Variants in SRGAP1 observed in about 807,000 individuals in gnomAD.
SRGAP1 encodes the protein SLIT-ROBO Rho GTPase-activating protein 1.
SRGAP1 carries 43 observed loss-of-function variants against 121.9 expected under a neutral mutation model. The observed-to-expected ratio is 0.35, with a 90% CI of 0.28 to 0.46. The LOEUF (loss-of-function observed/expected upper bound fraction) is 0.46. SRGAP1 is among the 20% of genes least tolerant of loss of function. SRGAP1 has a pLI of 1.00. For missense variants in SRGAP1, 1,102 were observed against 1,350.9 expected, an observed-to-expected ratio of 0.82 and a Z score of 2.89; for synonymous variants, 447 against 485.4, an observed-to-expected ratio of 0.92 and a Z score of 1.04.
intron 1 of SRGAP1, among the ~76,000 whole-genome samples, chr12:63,950,283 A>G (rs901523797): frequency 6.6e-6 from 1 of 152,148 alleles, no homozygotes; most frequent in African/African-American, 2.4e-5. Flanking sequence ...TAGATGTCCA[A>G]AACCTCAGAG....
chr12:64,078,683 T>G (rs1024358651), intron 8 of SRGAP1, among the ~76,000 whole-genome samples: 1 of 150,462 alleles, frequency 6.6e-6, no homozygotes, highest in Non-Finnish European at 1.5e-5. Context: ...TACCCAGATA[T>G]GAGATTTATA....
chr12:64,002,635 C>T (rs981873739), intron 3 of SRGAP1, among the ~76,000 whole-genome samples: 2 of 152,102 alleles, frequency 1.3e-5, no homozygotes, highest in Admixed American at 6.5e-5. Context: ...CCAAAGACTT[C>T]GAGAATTGAA....
intron 17 of SRGAP1, among the ~76,000 whole-genome samples, chr12:64,114,017 AC>A (rs1444257298): frequency 1.7e-5 from 2 of 118,402 alleles, no homozygotes; most frequent in Non-Finnish European, 3.5e-5. Context: ...TAGTTAAATA[AC>A]TGAAAGTACT....
chr12:63,969,093 G>A (rs1041783856), intron 1 of SRGAP1, among the ~76,000 whole-genome samples: 1 of 152,208 alleles, frequency 6.6e-6, no homozygotes, highest in African/African-American at 2.4e-5. Flanking sequence ...AAGGAAGATG[G>A]TGTGAAGCAT....
intron 1 of SRGAP1, among the ~76,000 whole-genome samples, chr12:63,884,719 CTTTT>C (rs869188491): frequency 1.6e-5 from 2 of 123,858 alleles, no homozygotes; most frequent in Non-Finnish European, 3.4e-5. Context: ...CACCACCATT[CTTTT>C]TTTTTTTTTT....
At chr12:64,126,879 C>T (rs781167349) in intron 19 of SRGAP1, among the ~76,000 whole-genome samples, 3 of 152,110 alleles carry the variant, frequency 2.0e-5, no homozygotes, top group Non-Finnish European at 4.4e-5. Context: ...ACTATCTGTA[C>T]AGTCATGTAC....
At chr12:63,975,415 G>T (rs1196718121) in intron 1 of SRGAP1, among the ~76,000 whole-genome samples, 1 of 152,134 alleles carries the variant, frequency 6.6e-6, no homozygotes, top group East Asian at 1.9e-4. Context: ...GAGGAGAGCT[G>T]TCCAAAAGCC....
At chr12:63,991,982 A>G (rs1369489658) in intron 3 of SRGAP1, among the ~76,000 whole-genome samples, 2 of 152,200 alleles carry the variant, frequency 1.3e-5, no homozygotes, top group African/African-American at 4.8e-5. Context: ...CTAGGGGATG[A>G]GGAAATTGTT....
At chr12:63,994,760 A>C (rs1032068482) in intron 3 of SRGAP1, among the ~76,000 whole-genome samples, 2 of 152,130 alleles carry the variant, frequency 1.3e-5, no homozygotes, top group African/African-American at 4.8e-5. Flanking sequence ...TTCATTCTCA[A>C]CCCTCACTTG....
At chr12:64,121,174 T>A (rs2036600986) in intron 18 of SRGAP1, among the ~76,000 whole-genome samples, 1 of 151,736 alleles carries the variant, frequency 6.6e-6, no homozygotes, top group Non-Finnish European at 1.5e-5. Flanking sequence ...CCACCATGCC[T>A]GGCTAATTTT....
intron 3 of SRGAP1, among the ~76,000 whole-genome samples, chr12:64,016,474 G>A (rs1489389686): frequency 2.0e-5 from 3 of 152,094 alleles, no homozygotes; most frequent in East Asian, 1.9e-4. Flanking sequence ...GTGACAGAGC[G>A]AGACCCTGTC....
chr12:64,118,959 A>C lies in SRGAP1; in HGVS notation c.2224+3066A>C, dbSNP rs140895133. ...TGACCTCAAGTGATCCGCCCACCTCACCCTCCAAAAGTGATGGGATAACAG... is the reference window on the plus strand; with the variant it reads ...TGACCTCAAGTGATCCGCCCACCTCCCCCTCCAAAAGTGATGGGATAACAG... On this transcript the variant is annotated intron_variant, in intron 18 of 21. Coordinates refer to ENST00000355086, the MANE Select transcript of SRGAP1 (RefSeq NM_020762.4). Among the ~76,000 whole-genome samples, 869 of 152,104 alleles carry C rather than the reference A, an allele frequency of 5.7e-3. 7 individuals carry two copies. Among genetic ancestry groups the C allele is most frequent in the African/African-American group, 0.021 (852 of 41,500 alleles).
chr12:64,001,137 C>T (rs1055074034), intron 3 of SRGAP1, among the ~76,000 whole-genome samples: 3 of 152,102 alleles, frequency 2.0e-5, no homozygotes, highest in Admixed American at 2.0e-4. Context: ...ATAAAATCAT[C>T]CTCTTTTCAA....
intron 1 of SRGAP1, among the ~76,000 whole-genome samples, chr12:63,925,741 G>A (rs960602483): frequency 5.9e-5 from 9 of 152,032 alleles, no homozygotes; most frequent in Admixed American, 5.2e-4. Context: ...TTATACTGTG[G>A]CCTGTCCTTG....
chr12:63,987,931 A>G (rs1181352953), intron 2 of SRGAP1, among the ~76,000 whole-genome samples: 1 of 152,198 alleles, frequency 6.6e-6, no homozygotes, highest in Non-Finnish European at 1.5e-5. Context: ...GAACAATCTT[A>G]TAAGCACTGT....
Position 64,142,441 on chromosome 12 carries a change from C to T in SRGAP1, c.3027C>T (p.Leu1009=), listed in dbSNP as rs1421122099. 1 of 1,614,180 alleles carries T rather than the reference C, an allele frequency of 6.2e-7. No individual in the cohort carries two copies. The highest frequency in any genetic ancestry group is 1.1e-5 in the South Asian group (1 of 91,074). Residue 1009 remains leucine (L), a synonymous_variant, in exon 22 of 22, where the codon CTC becomes CTT. Transcript: ENST00000355086. The part of the protein sequence containing the change: ...SPTPATSTES[L]SPLHNVALRS... ...CCCCTGCCACTTCCACGGAATCTCT[C>T]AGCCCTTTGCACAACGTTGCCCTCA...
intron 1 of SRGAP1, among the ~76,000 whole-genome samples, chr12:63,957,620 T>G (rs1255505293): frequency 6.6e-6 from 1 of 152,126 alleles, no homozygotes; most frequent in East Asian, 1.9e-4. Flanking sequence ...GTCCCTGCCC[T>G]TACCCCACTC....
rs58418402 is a variant in SRGAP1 at position 63,930,754 on chromosome 12, GA to G, written c.68-53183del. Among the ~76,000 whole-genome samples the G allele has an allele frequency of 2.7e-4, 40 of 148,310 alleles. 2 individuals are homozygous for G. The highest frequency in any genetic ancestry group is 9.4e-4 in the Admixed American group (14 of 14,860). On this transcript the variant is annotated intron_variant, in intron 1 of 21. Transcript: ENST00000355086. ...AAGATGATCTTACTCATTGGGATTG[GA>G]AAAAAAAAATTCAAAAAGCGTCAAG...
At position 64,095,814 on chromosome 12, in the gene SRGAP1, T is replaced by G. The variant is rs1207806570; in HGVS notation, c.1678+610T>G. Among the ~76,000 whole-genome samples, 4 of 152,182 alleles carry G rather than the reference T, an allele frequency of 2.6e-5. No homozygotes were observed. The East Asian group carries it at 7.7e-4, about 29-fold the overall frequency. On this transcript the variant is annotated intron_variant, in intron 14 of 21. Transcript: ENST00000355086. ...ATGATGTTTTAACCCAGGCATACAG[T>G]GTGTAATGATCAAATCAGGGTAACT...
Sources: allele counts gnomAD v4.1 joint callset (sites outside exome capture counted in the v4.1 genomes callset), GRCh38; gene constraint gnomAD v4.1.1; transcripts MANE v1.5; gene names NCBI Gene and HGNC (gene_info 2026-07-23, HGNC 2026-07-21).